Variants in SLC10A2 observed in about 807,000 individuals in gnomAD.
SLC10A2 encodes the protein solute carrier family 10 member 2.
A neutral mutation model predicts 27.1 loss-of-function variants in SLC10A2; 34 were observed. That is an observed-to-expected ratio of 1.26 (90% CI 0.96 to 1.67). SLC10A2 has a LOEUF of 1.67. SLC10A2 is among the 40% of genes most tolerant of loss of function. The probability of loss-of-function intolerance (pLI) is 0.00; values close to 1 mark genes in which losing one functional copy is unlikely to be tolerated. For synonymous variants in SLC10A2, 205 were observed against 174.0 expected, an observed-to-expected ratio of 1.18 and a Z score of -1.40; for missense variants, 530 against 444.4, an observed-to-expected ratio of 1.19 and a Z score of -1.73.
chr13:103,053,165 G>C (rs1022495310), intron 2 of SLC10A2, among the ~76,000 whole-genome samples: 8 of 150,382 alleles, frequency 5.3e-5, no homozygotes, highest in African/African-American at 2.0e-4. Flanking sequence ...TTGTCTGCTA[G>C]TTCATGGTAG....
At chr13:103,050,164 T>G (rs1310456992) in intron 4 of SLC10A2, among the ~76,000 whole-genome samples, 1 of 152,042 alleles carries the variant, frequency 6.6e-6, no homozygotes, top group African/African-American at 2.4e-5. Flanking sequence ...AATAAAAAAT[T>G]GTTGTGTTTA....
At position 103,066,289 on chromosome 13, in the gene SLC10A2, G is replaced by T; in HGVS notation, c.-40C>A. ...CTGGAAAGGCCAAGTCCACAGAAGCGCTGGTCCCTGGGCCCTGGCTCTGCT... is the reference window on the plus strand; with the variant it reads ...CTGGAAAGGCCAAGTCCACAGAAGCTCTGGTCCCTGGGCCCTGGCTCTGCT... On this transcript the variant is annotated 5_prime_UTR_variant, in exon 1 of 6. Transcript: ENST00000245312. The T allele has an allele frequency of 1.9e-6, 3 of 1,563,670 alleles. No homozygotes were observed. Among genetic ancestry groups the T allele is most frequent in the Middle Eastern group, 4.0e-4 (2 of 4,982 alleles).
chr13:103,052,799 G>A, intron 2 of SLC10A2, 91 bp from the exon 3 acceptor site: 1 of 812,008 alleles, frequency 1.2e-6, no homozygotes, highest in East Asian at 2.5e-5. Context: ...GAAAGATTAG[G>A]TGGTATTTCA....
intron 3 of SLC10A2, among the ~76,000 whole-genome samples, chr13:103,051,875 T>A (rs1425763222): frequency 6.6e-6 from 1 of 152,180 alleles, no homozygotes; most frequent in Non-Finnish European, 1.5e-5. Flanking sequence ...GTTACGATAA[T>A]GAGAAAATGG....
rs767512118 is a variant in SLC10A2 at position 103,052,619 on chromosome 13, C to A, written c.585+1G>T. ...TTAATGGTGTGAACTGGGATACTTA[C>A]TTTAAGTATGATCTTTGCTTTTTGG... On this transcript the variant is annotated splice_donor_variant, in intron 3 of 5. Coordinates refer to ENST00000245312, the MANE Select transcript of SLC10A2 (RefSeq NM_000452.3). LOFTEE classifies it high-confidence loss of function. 1 of 1,585,252 alleles carries A rather than the reference C, an allele frequency of 6.3e-7. No individual in the cohort carries two copies. Among genetic ancestry groups the A allele is most frequent in the Non-Finnish European group, 8.7e-7 (1 of 1,153,844 alleles).
intron 3 of SLC10A2, 86 bp downstream of exon 3, chr13:103,052,534 G>T: frequency 1.0e-6 from 1 of 956,724 alleles, no homozygotes; most frequent in Non-Finnish European, 1.7e-6. Flanking sequence ...ATCATATAAT[G>T]AGAATGAAAC....
At chr13:103,061,123 CAAAT>C (rs1876104993) in intron 1 of SLC10A2, among the ~76,000 whole-genome samples, 2 of 152,112 alleles carry the variant, frequency 1.3e-5, no homozygotes, top group Non-Finnish European at 1.5e-5. Context: ...ACAACAGTAA[CAAAT>C]AATGTGGATG....
chr13:103,061,777 T>C (rs1876127369), intron 1 of SLC10A2, among the ~76,000 whole-genome samples: 1 of 152,176 alleles, frequency 6.6e-6, no homozygotes, highest in Admixed American at 6.5e-5. Context: ...TGGAAGTTGA[T>C]GCTATTTGAA....
intron 2 of SLC10A2, among the ~76,000 whole-genome samples, chr13:103,057,228 C>A (rs1875964456): frequency 6.6e-6 from 1 of 152,152 alleles, no homozygotes; most frequent in Non-Finnish European, 1.5e-5. Flanking sequence ...CTATTTTGCC[C>A]ACATCTTGTC....
intron 3 of SLC10A2, among the ~76,000 whole-genome samples, chr13:103,051,725 T>C (rs1875787390): frequency 6.6e-6 from 1 of 152,222 alleles, no homozygotes; most frequent in Admixed American, 6.5e-5. Flanking sequence ...ACAACCCATT[T>C]CGATGACAGC....
chr13:103,050,257 G>T (rs1346704195), intron 4 of SLC10A2, among the ~76,000 whole-genome samples: 2 of 152,146 alleles, frequency 1.3e-5, no homozygotes, highest in Non-Finnish European at 2.9e-5. Context: ...TGAATGCTGG[G>T]CCTGAGGTCC....
intron 2 of SLC10A2, among the ~76,000 whole-genome samples, chr13:103,057,475 G>A (rs279917): frequency 0.04 from 6,038 of 152,272 alleles, 178 homozygotes; most frequent in African/African-American, 0.08. Flanking sequence ...TTGGGTCAAG[G>A]TGTGGCTCAC....
In SLC10A2 at chr13:103,046,271, A is replaced by C. The variant is rs202243799; in HGVS notation, c.920-11T>G. 3.7e-6 allele frequency: 6 copies of C among 1,604,632 alleles called. No homozygotes were observed. Among genetic ancestry groups the C allele is most frequent in the Non-Finnish European group, 5.1e-6 (6 of 1,172,286 alleles). The stretch of plus-strand genomic sequence containing the variant: ...TGTATGCCACATAAACTAGAAAACA[A>C]TACACAGACAGTTAAGTAAATTTTA... On this transcript the variant is annotated splice_polypyrimidine_tract_variant and intron_variant, in intron 5 of 5. Coordinates refer to ENST00000245312, the MANE Select transcript of SLC10A2 (RefSeq NM_000452.3).
chr13:103,063,801 A>G (rs909798490), intron 1 of SLC10A2, among the ~76,000 whole-genome samples: 1 of 152,222 alleles, frequency 6.6e-6, no homozygotes, highest in Non-Finnish European at 1.5e-5. Context: ...TGATACAGAG[A>G]CCAGAGACTG....
chr13:103,047,689 A>T (rs1339343486), intron 5 of SLC10A2, among the ~76,000 whole-genome samples: 1 of 152,008 alleles, frequency 6.6e-6, no homozygotes, highest in Non-Finnish European at 1.5e-5. Flanking sequence ...ATTTTTATAC[A>T]TACTGATGTA....
intron 5 of SLC10A2, among the ~76,000 whole-genome samples, chr13:103,047,786 G>A (rs1875654271): frequency 6.6e-6 from 1 of 151,876 alleles, no homozygotes; most frequent in Admixed American, 6.6e-5. Context: ...TTTGGGGTTA[G>A]TGTTCAACTA....
At chr13:103,047,223 G>A (rs952295553) in intron 5 of SLC10A2, among the ~76,000 whole-genome samples, 3 of 152,078 alleles carry the variant, frequency 2.0e-5, no homozygotes, top group Admixed American at 6.6e-5. Context: ...AAATGTTAAC[G>A]TTCATTATGA....
chr13:103,058,194 G>C, intron 2 of SLC10A2, 70 bp downstream of exon 2: 1 of 933,852 alleles, frequency 1.1e-6, no homozygotes, highest in Non-Finnish European at 1.8e-6. Flanking sequence ...AGCCTGGTCT[G>C]AGAGCCTAGC....
At chr13:103,056,874 G>A (rs1236528407) in intron 2 of SLC10A2, among the ~76,000 whole-genome samples, 2 of 152,160 alleles carry the variant, frequency 1.3e-5, no homozygotes, top group African/African-American at 4.8e-5. Context: ...AATGGTAAGA[G>A]TAGGAGAGAG....
Sources: allele counts gnomAD v4.1 joint callset (sites outside exome capture counted in the v4.1 genomes callset), GRCh38; gene constraint gnomAD v4.1.1; transcripts MANE v1.5; gene names NCBI Gene and HGNC (gene_info 2026-07-23, HGNC 2026-07-21).